The following HPSE2 variants were observed in gnomAD, a reference collection of about 807,000 sequenced individuals.
HPSE2 encodes the protein heparanase 2 (inactive), also known as inactive heparanase-2.
Under a neutral mutation model 60.5 loss-of-function variants are expected in HPSE2, and 38 were observed. That is an observed-to-expected ratio of 0.63 (90% CI 0.48 to 0.82). HPSE2 has a LOEUF of 0.82. HPSE2 is among the 40% of genes least tolerant of loss of function. The pLI, the probability that HPSE2 is intolerant of heterozygous loss-of-function variation, is 0.00. For synonymous variants in HPSE2, 295 were observed against 293.2 expected (o/e 1.01, Z -0.06); for missense variants, 713 against 740.4 (o/e 0.96, Z 0.43).
chr10:99,303,716 A>G, the HPSE2 span, among the ~76,000 whole-genome samples: 18 of 152,218 alleles, frequency 1.2e-4, no homozygotes, highest in Non-Finnish European at 2.4e-4. Context: ...CTACTTGCTT[A>G]AAAGAATCAA....
At chr10:98,982,888 A>G (rs934050241) in intron 3 of HPSE2, among the ~76,000 whole-genome samples, 2 of 152,224 alleles carry the variant, frequency 1.3e-5, no homozygotes, top group African/African-American at 4.8e-5. Context: ...GATCACTTGA[A>G]TTACTTGTTC....
chr10:99,018,884 A>C (rs1321158180), intron 3 of HPSE2, among the ~76,000 whole-genome samples: 1 of 152,226 alleles, frequency 6.6e-6, no homozygotes, highest in Non-Finnish European at 1.5e-5. Context: ...TTTTTAACTA[A>C]AACAGTTTTC....
chr10:98,926,761 T>G (rs1954476680), intron 3 of HPSE2, among the ~76,000 whole-genome samples: 1 of 152,208 alleles, frequency 6.6e-6, no homozygotes, highest in Admixed American at 6.5e-5. Context: ...GTGATACATC[T>G]TGTCCCTTAC....
At chr10:99,148,778 G>A (rs528286652) in intron 2 of HPSE2, among the ~76,000 whole-genome samples, 6 of 145,740 alleles carry the variant, frequency 4.1e-5, no homozygotes, top group African/African-American at 7.4e-5. Context: ...CAAAAAGAGC[G>A]AAACTCCACT....
At chr10:99,077,124 T>C (rs1206634326) in intron 3 of HPSE2, among the ~76,000 whole-genome samples, 6 of 152,238 alleles carry the variant, frequency 3.9e-5, no homozygotes, top group Non-Finnish European at 7.3e-5. Context: ...CTTCTCTTAC[T>C]GCTTTCAAAA....
intron 3 of HPSE2, among the ~76,000 whole-genome samples, chr10:99,056,120 A>ACAT (rs34552441): frequency 0.23 from 35,043 of 151,828 alleles, 4,176 homozygotes; most frequent in South Asian, 0.32. Flanking sequence ...ATAAAAGCAG[A>ACAT]CATCACTACA....
chr10:98,597,173 A>T (rs1945262452), intron 9 of HPSE2, among the ~76,000 whole-genome samples: 1 of 152,126 alleles, frequency 6.6e-6, no homozygotes, highest in Admixed American at 6.5e-5. Context: ...CCTACAACAC[A>T]TGGGGATTAC....
At chr10:99,281,743 A>G in the HPSE2 span, among the ~76,000 whole-genome samples, 3,084 of 152,280 alleles carry the variant, frequency 0.02, 113 homozygotes, top group East Asian at 0.15. Flanking sequence ...AAGATTGTTA[A>G]GCAAGGAACA....
intron 3 of HPSE2, among the ~76,000 whole-genome samples, chr10:99,111,804 G>C (rs890546874): frequency 1.3e-5 from 2 of 152,094 alleles, no homozygotes; most frequent in Admixed American, 6.5e-5. Flanking sequence ...GAAACTTTTA[G>C]TACCACTTCC....
chr10:99,298,277 C>T, the HPSE2 span, among the ~76,000 whole-genome samples: 1 of 152,236 alleles, frequency 6.6e-6, no homozygotes, highest in South Asian at 2.1e-4. Context: ...TTAACAGCCA[C>T]CTAACTGCCC....
intron 4 of HPSE2, among the ~76,000 whole-genome samples, chr10:98,740,955 G>T (rs1478147842): frequency 6.6e-6 from 1 of 152,102 alleles, no homozygotes; most frequent in African/African-American, 2.4e-5. Context: ...TAAGAGAGAT[G>T]ATTCTAGTAC....
At chr10:98,626,958 A>G (rs1208091339) in intron 7 of HPSE2, among the ~76,000 whole-genome samples, 4 of 152,030 alleles carry the variant, frequency 2.6e-5, no homozygotes, top group Non-Finnish European at 4.4e-5. Flanking sequence ...TATTTTTAGT[A>G]GAGATGGGGT....
the HPSE2 span, among the ~76,000 whole-genome samples, chr10:99,309,876 A>C: frequency 6.6e-6 from 1 of 152,352 alleles, no homozygotes; most frequent in East Asian, 1.9e-4. Flanking sequence ...TTTGTGTATT[A>C]GTTTCCTGTG....
the HPSE2 span, among the ~76,000 whole-genome samples, chr10:99,266,884 A>C: frequency 3.9e-5 from 6 of 152,228 alleles, no homozygotes; most frequent in East Asian, 1.2e-3. Context: ...GGGAGACTAG[A>C]TCCAGAAGAC....
chr10:99,014,814 G>A (rs529383246), intron 3 of HPSE2, among the ~76,000 whole-genome samples: 17 of 152,106 alleles, frequency 1.1e-4, no homozygotes, highest in Non-Finnish European at 2.2e-4. Flanking sequence ...AGACAAAATT[G>A]ACAAATGGGA....
intron 9 of HPSE2, among the ~76,000 whole-genome samples, chr10:98,497,657 CAAT>C (rs1418753507): frequency 1.3e-5 from 2 of 152,056 alleles, no homozygotes; most frequent in African/African-American, 4.8e-5. Context: ...AGGGTGCATG[CAAT>C]AATTTAATTT....
intron 3 of HPSE2, among the ~76,000 whole-genome samples, chr10:98,904,107 T>A (rs561497033): frequency 6.6e-6 from 1 of 152,288 alleles, no homozygotes; most frequent in Non-Finnish European, 1.5e-5. Flanking sequence ...TGTATTATAG[T>A]ACACTGTGAT....
intron 3 of HPSE2, among the ~76,000 whole-genome samples, chr10:99,132,284 T>C (rs1845473750): frequency 7.0e-6 from 1 of 142,010 alleles, no homozygotes; most frequent in Non-Finnish European, 1.5e-5. Context: ...AGAAAAGAAA[T>C]TACCAGTAAA....
chr10:98,469,823 C>G (rs966386982), intron 11 of HPSE2, among the ~76,000 whole-genome samples: 1 of 152,250 alleles, frequency 6.6e-6, no homozygotes, highest in African/African-American at 2.4e-5. Flanking sequence ...TACAGCCTTT[C>G]CTAGAAGTAT....
Sources: gnomAD v4.1 joint callset for allele counts (sites outside exome capture counted in the v4.1 genomes callset) on GRCh38, gnomAD v4.1.1 for gene constraint, MANE v1.5 for transcripts, NCBI Gene and HGNC (gene_info 2026-07-23, HGNC 2026-07-21) for gene names.